The following GLYATL1 variants were observed in gnomAD, a reference collection of about 807,000 sequenced individuals.
GLYATL1 encodes glycine-N-acyltransferase like 1.
GLYATL1 carries 15 observed loss-of-function variants against 20.0 expected under a neutral mutation model. The observed-to-expected ratio is 0.75, with a 90% CI of 0.50 to 1.15. The LOEUF (loss-of-function observed/expected upper bound fraction) is 1.15. GLYATL1 is among the 50% of genes most tolerant of loss of function. The pLI is 0.00. For synonymous variants in GLYATL1, 151 were observed against 131.5 expected (o/e 1.15, Z -1.01); for missense variants, 380 against 368.5 (o/e 1.03, Z -0.26).
At chr11:58,938,253 T>A (rs925542624), upstream of GLYATL1, among the ~76,000 whole-genome samples, 1 of 152,210 alleles carries the variant, frequency 6.6e-6, no homozygotes, top group Admixed American at 6.5e-5. Flanking sequence ...AACACTAGAA[T>A]CTCAAATTTG....
upstream of GLYATL1, among the ~76,000 whole-genome samples, chr11:58,936,888 C>T (rs1045614882): frequency 6.6e-6 from 1 of 152,164 alleles, no homozygotes; most frequent in African/African-American, 2.4e-5. Flanking sequence ...AACCTCATCA[C>T]CAACCCAGAA....
At position 58,956,109 on chromosome 11, in the gene GLYATL1, A is replaced by G; in HGVS notation, c.*82A>G. 8.0e-7 allele frequency: 1 copy of G among 1,246,956 alleles called. No individual in the cohort carries two copies. The highest frequency in any genetic ancestry group is 1.1e-6 in the Non-Finnish European group (1 of 879,836). 77.2% of individuals were successfully genotyped at this position (1,246,956 alleles called of 1,614,324 possible). On this transcript the variant is annotated 3_prime_UTR_variant, in exon 7 of 7. Coordinates refer to ENST00000532726, the MANE Select transcript of GLYATL1 (RefSeq NM_001389712.2). ...CCACAGAATAGATTTCTTCACTTAC[A>G]AATGCATATTGGGCACTTATAATAC...
chr11:58,946,992 A>AT, intron 2 of GLYATL1, 54 bp from the exon 3 acceptor site: 2 of 1,320,618 alleles, frequency 1.5e-6, no homozygotes, highest in Non-Finnish European at 2.2e-6. Flanking sequence ...TATAAAGTGC[A>AT]TTTTAAATTC....
chr11:58,915,414 T>A (rs561241019), intron 1 of GLYATL1, among the ~76,000 whole-genome samples: 7 of 152,144 alleles, frequency 4.6e-5, no homozygotes, highest in Admixed American at 2.6e-4. Flanking sequence ...GAGCTATAGA[T>A]GGAAGAGTGA....
chr11:58,906,279 G>A (rs1854881985), intron 1 of GLYATL1, among the ~76,000 whole-genome samples: 1 of 152,190 alleles, frequency 6.6e-6, no homozygotes, highest in South Asian at 2.1e-4. Flanking sequence ...GGCCAAGAGT[G>A]TTACTCCTGA....
exon 2 of GLYATL1, chr11:58,907,452 A>C: frequency 2.3e-6 from 1 of 437,850 alleles, no homozygotes; most frequent in Non-Finnish European, 4.6e-6. Context: ...CTTGCAAACC[A>C]TTATTTCATG....
upstream of GLYATL1, among the ~76,000 whole-genome samples, chr11:58,925,592 C>G (rs191529471): frequency 6.6e-6 from 1 of 151,986 alleles, no homozygotes; most frequent in East Asian, 1.9e-4. Flanking sequence ...CTTTATTTCT[C>G]TTTCTAGGGG....
intron 2 of GLYATL1, among the ~76,000 whole-genome samples, chr11:58,946,538 A>G (rs1193792481): frequency 6.6e-6 from 1 of 152,236 alleles, no homozygotes; most frequent in African/African-American, 2.4e-5. Flanking sequence ...AATTTTTGTA[A>G]TGAAACTGGG....
chr11:58,955,464 T>A lies in GLYATL1; in HGVS notation c.491+111T>A, dbSNP rs946450001. The A allele has an allele frequency of 8.1e-6, 11 of 1,363,608 alleles. No individual in the cohort carries two copies. The African/African-American group carries it at 1.0e-4, about 13-fold the overall frequency. The allele number at this position is 1,363,608 out of a possible 1,614,324, so 84.5% of individuals were successfully genotyped here. ...GGATGAATTCATTCCTTGGGATGAATAAAGGTTGTCAAAGTTCAAGATCCA... is the reference window on the plus strand; with the variant it reads ...GGATGAATTCATTCCTTGGGATGAAAAAAGGTTGTCAAAGTTCAAGATCCA... On this transcript the variant is annotated intron_variant, in intron 6 of 6. Transcript: ENST00000532726.
intron 1 of GLYATL1, among the ~76,000 whole-genome samples, chr11:58,920,961 T>C (rs1590770769): frequency 6.6e-6 from 1 of 152,218 alleles, no homozygotes. Flanking sequence ...GAGTCAGGAC[T>C]CCTATGGCCA....
intron 4 of GLYATL1, among the ~76,000 whole-genome samples, chr11:58,949,686 A>T (rs1856828491): frequency 6.6e-6 from 1 of 152,124 alleles, no homozygotes; most frequent in Non-Finnish European, 1.5e-5. Flanking sequence ...AAGACCAAAA[A>T]AAAAACAAAA....
At chr11:58,926,884 C>A (rs866578292), upstream of GLYATL1, among the ~76,000 whole-genome samples, 1 of 152,166 alleles carries the variant, frequency 6.6e-6, no homozygotes, top group Non-Finnish European at 1.5e-5. Flanking sequence ...AGTTTATGGA[C>A]TTTAATCTGG....
At chr11:58,923,239 C>T (rs1421470713), upstream of GLYATL1, among the ~76,000 whole-genome samples, 1 of 152,170 alleles carries the variant, frequency 6.6e-6, no homozygotes, top group East Asian at 1.9e-4. Flanking sequence ...GTGAGATGCA[C>T]GTAGAATTGT....
downstream of GLYATL1, chr11:58,908,640 G>C (rs1267409394): frequency 6.5e-6 from 1 of 153,286 alleles, no homozygotes; most frequent in African/African-American, 2.4e-5. Flanking sequence ...AAGAATAATA[G>C]TTATAAGTCC....
At chr11:58,936,490 A>G (rs1855841906), upstream of GLYATL1, among the ~76,000 whole-genome samples, 1 of 152,250 alleles carries the variant, frequency 6.6e-6, no homozygotes, top group Non-Finnish European at 1.5e-5. Flanking sequence ...GCAGGTGCTC[A>G]GATCAGCTTT....
At chr11:58,936,189 G>C (rs1220247518), upstream of GLYATL1, among the ~76,000 whole-genome samples, 1 of 152,222 alleles carries the variant, frequency 6.6e-6, no homozygotes, top group Admixed American at 6.5e-5. Context: ...TACCAGGCTA[G>C]AGTGAGAGAA....
chr11:58,946,612 C>T (rs1326012462), intron 2 of GLYATL1, among the ~76,000 whole-genome samples: 1 of 152,148 alleles, frequency 6.6e-6, no homozygotes, highest in African/African-American at 2.4e-5. Flanking sequence ...AAAATCTATG[C>T]CTACTCCTGC....
upstream of GLYATL1, among the ~76,000 whole-genome samples, chr11:58,923,930 T>G (rs1421236318): frequency 6.6e-6 from 1 of 152,242 alleles, no homozygotes; most frequent in African/African-American, 2.4e-5. Context: ...TATTTCTTTC[T>G]CTTTTTTTAA....
At chr11:58,928,202 A>T (rs1855479955) in intron 1 of GLYATL1, 1 of 152,168 alleles carries the variant, frequency 6.6e-6, no homozygotes, top group South Asian at 2.1e-4. Flanking sequence ...CAGCTGTTGT[A>T]ATACTTTTAT....
Sources: allele counts gnomAD v4.1 joint callset (sites outside exome capture counted in the v4.1 genomes callset), GRCh38; gene constraint gnomAD v4.1.1; transcripts MANE v1.5; gene names NCBI Gene and HGNC (gene_info 2026-07-23, HGNC 2026-07-21).